CHCHD6: variants seen among roughly 807,000 people sequenced by gnomAD.
CHCHD6 encodes MICOS complex subunit MIC25.
A neutral mutation model predicts 32.3 loss-of-function variants in CHCHD6; 28 were observed. The ratio of observed to expected loss-of-function variants is 0.87; its 90% confidence interval spans 0.64 to 1.19. CHCHD6 has a LOEUF of 1.19. CHCHD6 is among the 50% of genes most tolerant of loss of function. CHCHD6 has a pLI of 0.00. For synonymous variants in CHCHD6, 122 were observed against 117.5 expected, an observed-to-expected ratio of 1.04 and a Z score of -0.25; for missense variants, 333 against 307.0, an observed-to-expected ratio of 1.08 and a Z score of -0.63.
intron 6 of CHCHD6, among the ~76,000 whole-genome samples, chr3:126,935,653 A>C (rs1419311041): frequency 6.6e-6 from 1 of 152,236 alleles, no homozygotes; most frequent in Admixed American, 6.5e-5. Flanking sequence ...GTCTGTTTGA[A>C]GATATAAAGG....
chr3:126,740,956 C>A (rs1428126917), intron 4 of CHCHD6, among the ~76,000 whole-genome samples: 1 of 152,176 alleles, frequency 6.6e-6, no homozygotes, highest in Non-Finnish European at 1.5e-5. Context: ...ACATGGTGTT[C>A]GGTCATGGGA....
intron 5 of CHCHD6, 50 bp downstream of exon 5, chr3:126,852,780 C>A: frequency 1.6e-6 from 2 of 1,243,290 alleles, no homozygotes; most frequent in South Asian, 2.4e-5. Context: ...CTAAAGGCAT[C>A]TGACCAGAAC....
At chr3:126,762,941 A>T (rs1378751233) in intron 4 of CHCHD6, among the ~76,000 whole-genome samples, 1 of 152,142 alleles carries the variant, frequency 6.6e-6, no homozygotes, top group East Asian at 1.9e-4. Flanking sequence ...CTTTGGATCT[A>T]ATGTAATTTT....
At chr3:126,797,793 C>T (rs544512255) in intron 4 of CHCHD6, among the ~76,000 whole-genome samples, 1 of 152,306 alleles carries the variant, frequency 6.6e-6, no homozygotes, top group East Asian at 1.9e-4. Context: ...CGTGCTCCCT[C>T]AGGCTCCTGA....
At chr3:126,902,716 C>CA (rs748684166) in intron 5 of CHCHD6, among the ~76,000 whole-genome samples, 8,079 of 95,454 alleles carry the variant, frequency 0.085, 325 homozygotes, top group Middle Eastern at 0.18. Flanking sequence ...GACTCCATCT[C>CA]AAAAAAAAAA....
At chr3:126,931,074 C>T (rs1234133191) in intron 6 of CHCHD6, among the ~76,000 whole-genome samples, 1 of 152,214 alleles carries the variant, frequency 6.6e-6, no homozygotes, top group Non-Finnish European at 1.5e-5. Context: ...GGCCGGCTCT[C>T]TTCCTGCTCT....
At chr3:126,917,638 C>G (rs1485929448) in intron 6 of CHCHD6, among the ~76,000 whole-genome samples, 2 of 152,196 alleles carry the variant, frequency 1.3e-5, no homozygotes, top group African/African-American at 2.4e-5. Flanking sequence ...TGACTGTTTG[C>G]TATGGACTAA....
intron 4 of CHCHD6, 150 bp downstream of exon 4, chr3:126,733,372 TTTTGGGAGCCAGGAACTGGGGTTC>T (rs1245395784): frequency 5.6e-6 from 4 of 720,298 alleles, no homozygotes; most frequent in African/African-American, 3.6e-5. Flanking sequence ...GAAAAGGGTC[TTTTGGGAGCCAGGAACTGGGGTTC>T]TCCCAGCCCT....
At chr3:126,871,046 T>C in intron 5 of CHCHD6, among the ~76,000 whole-genome samples, 1 of 152,222 alleles carries the variant, frequency 6.6e-6, no homozygotes, top group Non-Finnish European at 1.5e-5. Context: ...TTTGGATTCA[T>C]TTAGTGTGAC....
chr3:126,804,292 T>A (rs1197207047), intron 4 of CHCHD6, among the ~76,000 whole-genome samples: 1 of 151,454 alleles, frequency 6.6e-6, no homozygotes, highest in Admixed American at 6.6e-5. Flanking sequence ...TTTGAAAGGA[T>A]CAACAAAATT....
intron 4 of CHCHD6, among the ~76,000 whole-genome samples, chr3:126,749,701 C>G (rs914847724): frequency 6.6e-6 from 1 of 152,166 alleles, no homozygotes; most frequent in African/African-American, 2.4e-5. Flanking sequence ...AGTTCCTGAC[C>G]AGTGCGAAGG....
At chr3:126,831,138 C>T (rs1027032345) in intron 4 of CHCHD6, among the ~76,000 whole-genome samples, 1 of 152,166 alleles carries the variant, frequency 6.6e-6, no homozygotes, top group East Asian at 1.9e-4. Context: ...ATTCTCCTGC[C>T]TCAGCCTCCC....
At chr3:126,880,319 G>A (rs1172061725) in intron 5 of CHCHD6, among the ~76,000 whole-genome samples, 1 of 152,124 alleles carries the variant, frequency 6.6e-6, no homozygotes, top group Non-Finnish European at 1.5e-5. Flanking sequence ...CTGCAGGGCA[G>A]CAGGACCGGC....
intron 4 of CHCHD6, among the ~76,000 whole-genome samples, chr3:126,849,690 CT>C (rs1283990574): frequency 1.3e-5 from 2 of 152,210 alleles, no homozygotes; most frequent in African/African-American, 2.4e-5. Context: ...GTGAGTCTGT[CT>C]TATGGTCTTC....
At chr3:126,721,525 C>T (rs1036253123) in intron 1 of CHCHD6, among the ~76,000 whole-genome samples, 2 of 152,204 alleles carry the variant, frequency 1.3e-5, no homozygotes, top group East Asian at 3.8e-4. Context: ...GACTTCCTGT[C>T]TGGGCTGCTT....
intron 4 of CHCHD6, among the ~76,000 whole-genome samples, chr3:126,835,993 C>A (rs1940844398): frequency 6.6e-6 from 1 of 152,236 alleles, no homozygotes; most frequent in Non-Finnish European, 1.5e-5. Flanking sequence ...CATGTGAGTG[C>A]ACGGTGTGGG....
chr3:126,771,460 C>T (rs990168801), intron 4 of CHCHD6, among the ~76,000 whole-genome samples: 6 of 152,114 alleles, frequency 3.9e-5, no homozygotes, highest in African/African-American at 1.2e-4. Flanking sequence ...CCGCCCACCT[C>T]GGCCTCCCAA....
chr3:126,868,709 G>T (rs2077423356), intron 5 of CHCHD6, among the ~76,000 whole-genome samples: 1 of 152,142 alleles, frequency 6.6e-6, no homozygotes, highest in Non-Finnish European at 1.5e-5. Context: ...AGTCTATTTT[G>T]AACCCTTTTT....
chr3:126,911,581 A>G (rs1156745406), intron 5 of CHCHD6, among the ~76,000 whole-genome samples: 1 of 152,208 alleles, frequency 6.6e-6, no homozygotes, highest in Non-Finnish European at 1.5e-5. Flanking sequence ...AGGACGGGGA[A>G]TTTCTCTGAG....
Sources: allele counts gnomAD v4.1 joint callset (sites outside exome capture counted in the v4.1 genomes callset), GRCh38; gene constraint gnomAD v4.1.1; transcripts MANE v1.5; gene names NCBI Gene and HGNC (gene_info 2026-07-23, HGNC 2026-07-21).